Variants in IL1RAPL1 observed in about 807,000 individuals in gnomAD.
The protein encoded by IL1RAPL1 is interleukin 1 receptor accessory protein like 1.
Under a neutral mutation model 48.4 loss-of-function variants are expected in IL1RAPL1, and 3 were observed. The ratio of observed to expected loss-of-function variants is 0.06; its 90% CI spans 0.03 to 0.16. The LOEUF (loss-of-function observed/expected upper bound fraction) is 0.16. Among genes scored for constraint, IL1RAPL1 ranks in the 10% least tolerant of loss-of-function variants. The pLI is 1.00. For synonymous variants in IL1RAPL1, 185 were observed against 187.7 expected, an observed-to-expected ratio of 0.99 and a Z score of 0.12; for missense variants, 349 against 530.6, an observed-to-expected ratio of 0.66 and a Z score of 3.36.
chrX:28,619,753 A>C (rs944020682), intron 1 of IL1RAPL1, among the ~76,000 whole-genome samples: 1 of 111,753 alleles, frequency 8.9e-6, no homozygotes, highest in Non-Finnish European at 1.9e-5. Flanking sequence ...CATAATTTAC[A>C]ATAAGAACTA....
chrX:29,918,153 A>AAAAAAAT (rs1569203085), intron 7 of IL1RAPL1, among the ~76,000 whole-genome samples: 1 of 71,275 alleles, frequency 1.4e-5, no homozygotes, highest in African/African-American at 5.7e-5. Context: ...AAATATATAT[A>AAAAAAAT]TATATATATA....
intron 2 of IL1RAPL1, among the ~76,000 whole-genome samples, chrX:29,236,859 G>A (rs1288710141): frequency 1.8e-5 from 2 of 108,794 alleles, no homozygotes; most frequent in African/African-American, 3.4e-5. Context: ...ATGAGCCACC[G>A]CACCTGGCCC....
At chrX:29,622,907 T>A (rs1924505321) in intron 5 of IL1RAPL1, among the ~76,000 whole-genome samples, 1 of 110,781 alleles carries the variant, frequency 9.0e-6, no homozygotes, top group Admixed American at 9.6e-5. Context: ...TTTAGTTCTG[T>A]CATTAGCTCT....
chrX:29,638,436 G>A (rs1023066114), intron 5 of IL1RAPL1, among the ~76,000 whole-genome samples: 1 of 111,276 alleles, frequency 9.0e-6, no homozygotes, highest in Non-Finnish European at 1.9e-5. Flanking sequence ...TAGAATGTCA[G>A]TTACTTGCTG....
chrX:28,853,976 A>G (rs1304354889), intron 2 of IL1RAPL1, among the ~76,000 whole-genome samples: 1 of 111,784 alleles, frequency 8.9e-6, no homozygotes, highest in African/African-American at 3.3e-5. Flanking sequence ...GGGCACAAAC[A>G]GAAGATATAG....
At chrX:28,691,090 T>C (rs181122179) in intron 1 of IL1RAPL1, among the ~76,000 whole-genome samples, 1 of 111,435 alleles carries the variant, frequency 9.0e-6, no homozygotes, top group Non-Finnish European at 1.9e-5. Context: ...TAATTGCTCT[T>C]AGGAGAAAAA....
intron 5 of IL1RAPL1, among the ~76,000 whole-genome samples, chrX:29,509,911 A>G (rs950942262): frequency 2.7e-5 from 3 of 112,232 alleles, no homozygotes; most frequent in African/African-American, 9.7e-5. Context: ...TCATTTAATA[A>G]AATTGAAATA....
intron 2 of IL1RAPL1, among the ~76,000 whole-genome samples, chrX:29,075,090 G>A (rs937717008): frequency 9.0e-6 from 1 of 111,384 alleles, no homozygotes; most frequent in African/African-American, 3.3e-5. Flanking sequence ...ACCCCCTTAG[G>A]TTTTATATAC....
At chrX:28,740,712 A>G (rs906797370) in intron 1 of IL1RAPL1, among the ~76,000 whole-genome samples, 98 of 111,275 alleles carry the variant, frequency 8.8e-4, no homozygotes, top group African/African-American at 3.0e-3. Flanking sequence ...TGTGTACTCA[A>G]TGTTTAGCTC....
intron 5 of IL1RAPL1, among the ~76,000 whole-genome samples, chrX:29,443,139 T>C (rs1328342117): frequency 9.1e-6 from 1 of 110,003 alleles, no homozygotes; most frequent in Non-Finnish European, 1.9e-5. Flanking sequence ...ATATGGAAAC[T>C]CTTGCACAGG....
intron 2 of IL1RAPL1, among the ~76,000 whole-genome samples, chrX:29,195,890 C>T (rs1930434866): frequency 9.0e-6 from 1 of 111,345 alleles, no homozygotes; most frequent in Admixed American, 9.6e-5. Flanking sequence ...AATCCCTGAA[C>T]CTTCCAATTT....
intron 1 of IL1RAPL1, among the ~76,000 whole-genome samples, chrX:28,643,208 C>G (rs1037910806): frequency 6.3e-5 from 7 of 111,523 alleles, no homozygotes; most frequent in Admixed American, 3.8e-4. Flanking sequence ...ATAGGATCTC[C>G]TATCAGGGTG....
At chrX:29,206,662 T>C (rs1930672107) in intron 2 of IL1RAPL1, among the ~76,000 whole-genome samples, 3 of 112,010 alleles carry the variant, frequency 2.7e-5, no homozygotes, top group Non-Finnish European at 5.6e-5. Flanking sequence ...CATTGCATTT[T>C]TACATAAATT....
At chrX:28,722,226 A>T (rs1935594472) in intron 1 of IL1RAPL1, among the ~76,000 whole-genome samples, 1 of 111,664 alleles carries the variant, frequency 9.0e-6, no homozygotes, top group African/African-American at 3.3e-5. Context: ...CCTATCCATG[A>T]GCATGGAATG....
chrX:29,313,678 G>A lies in IL1RAPL1; in HGVS notation c.362+30461G>A, dbSNP rs138204115. 1.9e-3 allele frequency among the ~76,000 whole-genome samples: 214 copies of A among 111,693 alleles called. 1 individual carries two copies. Among genetic ancestry groups the A allele is most frequent in the African/African-American group, 6.3e-3 (194 of 30,713 alleles). ...AGGTGTCAAACCACAATATTAGGGAGGCAATGCATAGTGCAGCCAATTCAC... is the reference window on the plus strand; with the variant it reads ...AGGTGTCAAACCACAATATTAGGGAAGCAATGCATAGTGCAGCCAATTCAC... On this transcript the variant is annotated intron_variant, in intron 3 of 10. Coordinates refer to ENST00000378993, the MANE Select transcript of IL1RAPL1 (RefSeq NM_014271.4).
chrX:29,201,574 A>G (rs1777207652), intron 2 of IL1RAPL1, among the ~76,000 whole-genome samples: 1 of 112,473 alleles, frequency 8.9e-6, no homozygotes, highest in South Asian at 3.6e-4. Context: ...AATAATGCAT[A>G]TGCAAAAGAC....
At chrX:28,664,900 C>T (rs895354790) in intron 1 of IL1RAPL1, among the ~76,000 whole-genome samples, 1 of 107,161 alleles carries the variant, frequency 9.3e-6, no homozygotes, top group South Asian at 4.4e-4. Flanking sequence ...GAACTGTAGA[C>T]TACTTGCTAG....
intron 6 of IL1RAPL1, among the ~76,000 whole-genome samples, chrX:29,889,547 T>C (rs945298178): frequency 2.7e-5 from 3 of 111,839 alleles, no homozygotes; most frequent in Non-Finnish European, 5.6e-5. Flanking sequence ...ACTCTGTAGC[T>C]ACGGGAATGA....
At chrX:28,662,445 A>C (rs373007326) in intron 1 of IL1RAPL1, among the ~76,000 whole-genome samples, 3 of 111,867 alleles carry the variant, frequency 2.7e-5, no homozygotes, top group East Asian at 5.6e-4. Context: ...AGCAGAAGTG[A>C]AGAAATGGAT....
Sources: gnomAD v4.1 joint callset for allele counts (sites outside exome capture counted in the v4.1 genomes callset) on GRCh38, gnomAD v4.1.1 for gene constraint, MANE v1.5 for transcripts, NCBI Gene and HGNC (gene_info 2026-07-23, HGNC 2026-07-21) for gene names.